The following ERBB4 variants were observed in gnomAD, a reference collection of about 807,000 sequenced individuals.
ERBB4 encodes the protein receptor tyrosine-protein kinase erbB-4.
In ERBB4, 42 loss-of-function variants were observed where a neutral mutation model predicts 158.0. The observed-to-expected ratio is 0.27, with a 90% confidence interval of 0.21 to 0.34. The LOEUF (loss-of-function observed/expected upper bound fraction) is 0.34, where lower values mean the gene tolerates loss of function less well. Ranked by LOEUF, ERBB4 falls within the 10% of genes least tolerant of loss-of-function variation. ERBB4 has a pLI of 1.00. For synonymous variants in ERBB4, 583 were observed against 558.7 expected, an observed-to-expected ratio of 1.04 and a Z score of -0.61; for missense variants, 1,333 against 1,624.1, an observed-to-expected ratio of 0.82 and a Z score of 3.08.
intron 2 of ERBB4, among the ~76,000 whole-genome samples, chr2:212,102,090 T>TTATATA (rs57567965): frequency 0.034 from 3,660 of 107,770 alleles, 266 homozygotes; most frequent in Non-Finnish European, 0.057. Flanking sequence ...AAAATTTATT[T>TTATATA]TATATATATA....
chr2:211,916,157 A>AATT lies in ERBB4; in HGVS notation c.421+31270_421+31272dup, dbSNP rs912040311. ...AAGCCAAGTTTACGCTATTGGATGA[A>AATT]ATTATTATTATTATTATTATTTATT... On this transcript the variant is annotated intron_variant, in intron 3 of 27. Coordinates refer to ENST00000342788, the MANE Select transcript of ERBB4 (RefSeq NM_005235.3). 1.3e-4 allele frequency among the ~76,000 whole-genome samples: 19 copies of AATT among 151,350 alleles called. No individual in the cohort carries two copies. The South Asian group carries it at 2.5e-3, about 20-fold the overall frequency.
chr2:211,658,303 C>T (rs1418714728), intron 15 of ERBB4, among the ~76,000 whole-genome samples: 1 of 152,076 alleles, frequency 6.6e-6, no homozygotes, highest in East Asian at 1.9e-4. Context: ...TTACATGTCT[C>T]AACAAATATG....
At chr2:211,636,945 T>C (rs952618914) in intron 16 of ERBB4, among the ~76,000 whole-genome samples, 1 of 151,938 alleles carries the variant, frequency 6.6e-6, no homozygotes, top group African/African-American at 2.4e-5. Context: ...GAAAGTGTCT[T>C]AGTTTTATTT....
intron 2 of ERBB4, among the ~76,000 whole-genome samples, chr2:211,953,465 C>CAAAAAAAAAAAAAAAAAA (rs36024345): frequency 1.2e-5 from 1 of 85,576 alleles, no homozygotes; most frequent in African/African-American, 4.0e-5. Context: ...GGTTTTTCTC[C>CAAAAAAAAAAAAAAAAAA]AAAAAAAAAA....
intron 16 of ERBB4, among the ~76,000 whole-genome samples, chr2:211,646,121 T>A (rs1474987422): frequency 6.6e-6 from 1 of 151,448 alleles, no homozygotes; most frequent in Non-Finnish European, 1.5e-5. Context: ...TATTGAATAA[T>A]GTGTAGAGTA....
rs1005275734 is a variant in ERBB4 at position 212,255,998 on chromosome 2, T to A, written c.83-131095A>T. 5.5e-4 allele frequency among the ~76,000 whole-genome samples: 5 copies of A among 9,154 alleles called. No homozygotes were observed. In the South Asian group the frequency reaches 0.046, roughly 85 times the overall value. The allele number at this position is 9,154 out of a possible 152,430, so 6.0% of individuals were successfully genotyped here. A position where few individuals can be genotyped will look rare whatever the true frequency, so the allele number is the denominator to read the frequency against. On this transcript the variant is annotated intron_variant, in intron 1 of 27. Transcript: ENST00000342788. The stretch of plus-strand genomic sequence containing the variant: ...ACCATTCCTGGCTAAGTTTTATTTA[T>A]TTATTTTTTTTTTACAAATGGGGGG...
chr2:211,650,928 A>C (rs1055201872), intron 16 of ERBB4, among the ~76,000 whole-genome samples: 1 of 152,202 alleles, frequency 6.6e-6, no homozygotes, highest in African/African-American at 2.4e-5. Context: ...AACTGCACTG[A>C]AAGTGCTTAA....
At chr2:211,634,253 CT>C (rs1394731714) in intron 16 of ERBB4, among the ~76,000 whole-genome samples, 1 of 151,648 alleles carries the variant, frequency 6.6e-6, no homozygotes, top group Non-Finnish European at 1.5e-5. Flanking sequence ...GTTTACTTTG[CT>C]TTTTTTTCAA....
intron 5 of ERBB4, among the ~76,000 whole-genome samples, chr2:211,738,744 G>A (rs1306556776): frequency 6.6e-6 from 1 of 151,108 alleles, no homozygotes; most frequent in African/African-American, 2.4e-5. Context: ...TTGGCTCACT[G>A]CAACCTCTGC....
intron 2 of ERBB4, among the ~76,000 whole-genome samples, chr2:212,036,625 C>T (rs1386739200): frequency 6.6e-6 from 1 of 151,938 alleles, no homozygotes; most frequent in Non-Finnish European, 1.5e-5. Flanking sequence ...CCACCACGCC[C>T]AGCTAATTTT....
At chr2:211,679,312 T>C (rs2072241225) in intron 12 of ERBB4, 128 bp from the exon 13 acceptor site, 1 of 980,226 alleles carries the variant, frequency 1.0e-6, no homozygotes, top group African/African-American at 1.6e-5. Flanking sequence ...TTTGGTGGCC[T>C]ATCCCATCGT....
chr2:211,426,429 C>T (rs1378800200), intron 22 of ERBB4, among the ~76,000 whole-genome samples: 1 of 152,158 alleles, frequency 6.6e-6, no homozygotes, highest in Non-Finnish European at 1.5e-5. Context: ...CTTTTGCAAT[C>T]AACTATGATA....
At chr2:211,486,669 C>T (rs545694050) in intron 20 of ERBB4, among the ~76,000 whole-genome samples, 2 of 152,156 alleles carry the variant, frequency 1.3e-5, no homozygotes, top group Non-Finnish European at 1.5e-5. Context: ...CTATAACCAT[C>T]CATGACCCTG....
intron 20 of ERBB4, among the ~76,000 whole-genome samples, chr2:211,519,288 G>A (rs186568995): frequency 2.0e-5 from 3 of 152,264 alleles, no homozygotes. Flanking sequence ...GTTTGGAAAT[G>A]TCATTGATTG....
In ERBB4 at chr2:211,917,285, T is replaced by C. The variant is rs536179462; in HGVS notation, c.421+30145A>G. On this transcript the variant is annotated intron_variant, in intron 3 of 27. Transcript: ENST00000342788. Reference sequence around the variant, plus strand: ...ACTTCTCTCTGAAAGCATAAATTGCTTATTCCCCATGCTGTGTGCTACAGA... The same window carrying C: ...ACTTCTCTCTGAAAGCATAAATTGCCTATTCCCCATGCTGTGTGCTACAGA... 2.0e-5 allele frequency among the ~76,000 whole-genome samples: 3 copies of C among 151,922 alleles called. No homozygotes were observed. In the East Asian group the frequency reaches 5.9e-4, roughly 30 times the overall value.
chr2:211,743,594 C>G (rs942537966), intron 5 of ERBB4, among the ~76,000 whole-genome samples: 1 of 152,116 alleles, frequency 6.6e-6, no homozygotes, highest in Non-Finnish European at 1.5e-5. Flanking sequence ...CTCTCTCATA[C>G]CTAAAACCTG....
intron 1 of ERBB4, among the ~76,000 whole-genome samples, chr2:212,382,874 T>C (rs1275006995): frequency 6.6e-6 from 1 of 151,336 alleles, no homozygotes; most frequent in Non-Finnish European, 1.5e-5. Flanking sequence ...CTGTACATTT[T>C]ATTTCCCAAT....
chr2:212,283,759 C>T (rs1163989679), intron 1 of ERBB4, among the ~76,000 whole-genome samples: 1 of 151,920 alleles, frequency 6.6e-6, no homozygotes, highest in African/African-American at 2.4e-5. Flanking sequence ...ATCCTTTTCC[C>T]TATACAATGG....
At chr2:212,194,164 A>G (rs1050080064) in intron 1 of ERBB4, among the ~76,000 whole-genome samples, 4 of 152,068 alleles carry the variant, frequency 2.6e-5, no homozygotes, top group African/African-American at 9.7e-5. Flanking sequence ...TTGAAGATTT[A>G]TCAGCACATA....
Sources: gnomAD v4.1 joint callset for allele counts (sites outside exome capture counted in the v4.1 genomes callset) on GRCh38, gnomAD v4.1.1 for gene constraint, MANE v1.5 for transcripts, NCBI Gene and HGNC (gene_info 2026-07-23, HGNC 2026-07-21) for gene names.